Variants in CCDC73 observed in about 807,000 individuals in gnomAD.
CCDC73 encodes the protein coiled-coil domain containing 73.
A neutral mutation model predicts 116.5 loss-of-function variants in CCDC73; 95 were observed. That is an observed-to-expected ratio of 0.82 (90% confidence interval 0.69 to 0.97). The LOEUF is 0.97. Ranked by LOEUF, CCDC73 falls within the 50% of genes least tolerant of loss-of-function variation. The pLI is 0.00. For missense variants in CCDC73, 1,066 were observed against 1,206.8 expected, an observed-to-expected ratio of 0.88 and a Z score of 1.73; for synonymous variants, 398 against 401.3, an observed-to-expected ratio of 0.99 and a Z score of 0.10.
intron 6 of CCDC73, among the ~76,000 whole-genome samples, chr11:32,688,631 T>G (rs1856226619): frequency 6.6e-6 from 1 of 152,216 alleles, no homozygotes; most frequent in Non-Finnish European, 1.5e-5. Context: ...AATGATATAC[T>G]ATGGTAATGA....
rs1360741505 is a variant in CCDC73 at position 32,613,928 on chromosome 11, T to C, written c.2390A>G (p.His797Arg). 6.2e-7 allele frequency: 1 copy of C among 1,612,102 alleles called. No homozygotes were observed. Among genetic ancestry groups the C allele is most frequent in the Non-Finnish European group, 8.5e-7 (1 of 1,179,930 alleles). The change falls in exon 16 of 18, where the codon CAC (histidine) becomes CGC (arginine). Residue 797 changes from histidine to arginine, a missense_variant. His to Arg is a conservative substitution (Grantham distance 29, BLOSUM62 0). Coordinates refer to ENST00000335185, the MANE Select transcript of CCDC73 (RefSeq NM_001008391.4). ...CTCTGTTTCTGTGCAAGTTTTCATG[T>C]GAACAGCAGTTTTCACATCTTTGGC... ...SQAKDVKTAV[H>R]MKTCTETEFS...
chr11:32,705,916 C>A (rs1270084830), intron 3 of CCDC73, among the ~76,000 whole-genome samples: 4 of 150,872 alleles, frequency 2.7e-5, no homozygotes, highest in Non-Finnish European at 5.9e-5. Flanking sequence ...TATTCTCATA[C>A]AACTTTGTTT....
chr11:32,621,753 AATCT>A (rs1440475725), intron 14 of CCDC73, among the ~76,000 whole-genome samples: 8 of 152,206 alleles, frequency 5.3e-5, no homozygotes, highest in Admixed American at 2.6e-4. Flanking sequence ...AAATTTTTGC[AATCT>A]ATCTACCTGA....
chr11:32,661,392 C>T (rs917040476), intron 9 of CCDC73, among the ~76,000 whole-genome samples: 1 of 151,728 alleles, frequency 6.6e-6, no homozygotes, highest in Admixed American at 6.6e-5. Context: ...TGGTGGTTTC[C>T]CGCACCCATT....
At chr11:32,741,576 A>G (rs750532711) in intron 2 of CCDC73, among the ~76,000 whole-genome samples, 3 of 151,824 alleles carry the variant, frequency 2.0e-5, no homozygotes, top group African/African-American at 7.3e-5. Flanking sequence ...GTGACTTTAT[A>G]GGTGAAGTGT....
At chr11:32,653,905 T>C in intron 11 of CCDC73, 73 bp downstream of exon 11, 2 of 1,518,078 alleles carry the variant, frequency 1.3e-6, no homozygotes, top group Non-Finnish European at 8.9e-7. Flanking sequence ...CTATGCATGA[T>C]TCCACTTATT....
chr11:32,664,013 C>T lies in CCDC73; in HGVS notation c.646-9041G>A, dbSNP rs1855955730. On this transcript the variant is annotated intron_variant, in intron 9 of 17. Coordinates refer to ENST00000335185, the MANE Select transcript of CCDC73 (RefSeq NM_001008391.4). The stretch of plus-strand genomic sequence containing the variant: ...ATTTGCATATGTTGAACCAACCTTG[C>T]ATCCCAGGGATGAAGCCCAGTTGAT... Among the ~76,000 whole-genome samples, 3 of 152,178 alleles carry T rather than the reference C, an allele frequency of 2.0e-5. No individual in the cohort carries two copies. The South Asian group carries it at 6.2e-4, about 32-fold the overall frequency.
chr11:32,690,811 G>A (rs1206304231), intron 6 of CCDC73, among the ~76,000 whole-genome samples: 1 of 152,088 alleles, frequency 6.6e-6, no homozygotes, highest in African/African-American at 2.4e-5. Context: ...ATAGCAATGT[G>A]AGGATGGACT....
At chr11:32,650,989 C>A (rs1433296022) in intron 12 of CCDC73, among the ~76,000 whole-genome samples, 1 of 152,156 alleles carries the variant, frequency 6.6e-6, no homozygotes, top group African/African-American at 2.4e-5. Context: ...TATTTAATAT[C>A]ATGATCCCCT....
chr11:32,721,705 T>C (rs909490674), intron 2 of CCDC73, among the ~76,000 whole-genome samples: 4 of 104,832 alleles, frequency 3.8e-5, no homozygotes, highest in Non-Finnish European at 6.0e-5. Flanking sequence ...ACCATTCTCC[T>C]GCCTCAGCCT....
At chr11:32,610,109 T>C (rs1274701813) in intron 17 of CCDC73, among the ~76,000 whole-genome samples, 1 of 152,076 alleles carries the variant, frequency 6.6e-6, no homozygotes, top group Admixed American at 6.6e-5. Context: ...AGTTCTTACA[T>C]GGCGGCAGCA....
rs1280477254 is a variant in CCDC73 at position 32,614,039 on chromosome 11, A to C, written c.2279T>G (p.Phe760Cys). ...TTCTAAGTATCCCAAACAGTTATTA[A>C]ATTGACTGTTTTGCATATCACTCAT... ...KNMSDMQNSQFNNCLGYLENT... is the reference protein window; with the variant it reads ...KNMSDMQNSQCNNCLGYLENT... The change falls in exon 16 of 18, where the codon TTT (phenylalanine) becomes TGT (cysteine). Residue 760 changes from phenylalanine (F) to cysteine (C), a missense_variant. Coordinates refer to ENST00000335185, the MANE Select transcript of CCDC73 (RefSeq NM_001008391.4). The C allele has an allele frequency of 6.2e-7, 1 of 1,612,406 alleles. No homozygotes were observed. The highest frequency in any genetic ancestry group is 1.3e-5 in the African/African-American group (1 of 75,018).
chr11:32,808,950 T>C, the CCDC73 span, among the ~76,000 whole-genome samples: 16 of 152,212 alleles, frequency 1.1e-4, no homozygotes, highest in Non-Finnish European at 1.9e-4. Flanking sequence ...AATCATTCTA[T>C]ACATACTGTC....
At chr11:32,648,985 G>C (rs925415778) in intron 12 of CCDC73, among the ~76,000 whole-genome samples, 4 of 152,164 alleles carry the variant, frequency 2.6e-5, no homozygotes, top group African/African-American at 9.7e-5. Context: ...AATTTTGTTA[G>C]ATCAGCTACA....
At chr11:32,793,995 G>A (rs369485444) in intron 1 of CCDC73, among the ~76,000 whole-genome samples, 1 of 152,106 alleles carries the variant, frequency 6.6e-6, no homozygotes. Flanking sequence ...AAATTTGCTC[G>A]TGCAAGGCAG....
chr11:32,738,722 A>G (rs1031593328), intron 2 of CCDC73, among the ~76,000 whole-genome samples: 1 of 151,756 alleles, frequency 6.6e-6, no homozygotes, highest in South Asian at 2.1e-4. Context: ...CCATTTGTCC[A>G]TTTTTGCTTT....
At chr11:32,816,972 A>G in the CCDC73 span, among the ~76,000 whole-genome samples, 1 of 152,014 alleles carries the variant, frequency 6.6e-6, no homozygotes, top group East Asian at 1.9e-4. Flanking sequence ...TTTAGTAGAG[A>G]TAGGGTTTCA....
chr11:32,754,731 C>T (rs1850317156), intron 2 of CCDC73, among the ~76,000 whole-genome samples: 1 of 151,906 alleles, frequency 6.6e-6, no homozygotes, highest in Non-Finnish European at 1.5e-5. Context: ...ATGTAATCTA[C>T]AATTTCATGG....
At chr11:32,622,195 A>C (rs367865730) in intron 14 of CCDC73, among the ~76,000 whole-genome samples, 3 of 152,314 alleles carry the variant, frequency 2.0e-5, no homozygotes, top group African/African-American at 7.2e-5. Flanking sequence ...TTCTGTTATA[A>C]AGATACATGC....
Sources: allele counts gnomAD v4.1 joint callset (sites outside exome capture counted in the v4.1 genomes callset), GRCh38; gene constraint gnomAD v4.1.1; transcripts MANE v1.5; gene names NCBI Gene and HGNC (gene_info 2026-07-23, HGNC 2026-07-21).